Variants in SV2B observed in about 807,000 individuals in gnomAD.
SV2B encodes synaptic vesicle glycoprotein 2B.
SV2B carries 41 observed loss-of-function variants against 73.9 expected under a neutral mutation model. That is an observed-to-expected ratio of 0.56 (90% confidence interval 0.43 to 0.72). The LOEUF is 0.72. SV2B is among the 30% of genes least tolerant of loss of function. The probability of loss-of-function intolerance (pLI) is 0.00; values close to 1 mark genes in which losing one functional copy is unlikely to be tolerated. For synonymous variants in SV2B, 314 were observed against 314.2 expected (o/e 1.00, Z 0.01); for missense variants, 764 against 857.8 (o/e 0.89, Z 1.37).
chr15:91,118,620 G>A lies in SV2B; in HGVS notation c.-392+18257G>A, dbSNP rs1284287800. ...GCTGGAGGGTCTGAAGCGGGACCCAGCTGCCCCTTTCTGAGAGGCTCCCTA... is the reference window on the plus strand; with the variant it reads ...GCTGGAGGGTCTGAAGCGGGACCCAACTGCCCCTTTCTGAGAGGCTCCCTA... On this transcript the variant is annotated intron_variant, in intron 1 of 12. Coordinates refer to ENST00000394232, the MANE Select transcript of SV2B (RefSeq NM_001323032.3). The surrounding 1 kb of genome is among the most constrained non-coding windows in gnomAD (Gnocchi z 4.7). Among the ~76,000 whole-genome samples the A allele has an allele frequency of 6.6e-6, 1 of 152,182 alleles. No individual in the cohort carries two copies. Among genetic ancestry groups the A allele is most frequent in the Non-Finnish European group, 1.5e-5 (1 of 68,040 alleles).
chr15:91,250,421 A>C (rs898671661), intron 2 of SV2B, among the ~76,000 whole-genome samples: 2 of 152,218 alleles, frequency 1.3e-5, no homozygotes, highest in African/African-American at 4.8e-5. Flanking sequence ...GTTTACCCCT[A>C]ATATCAGCAA....
intron 1 of SV2B, among the ~76,000 whole-genome samples, chr15:91,157,175 G>A (rs570054970): frequency 3.9e-5 from 6 of 152,264 alleles, no homozygotes; most frequent in South Asian, 4.2e-4. Context: ...ATTTCTACTC[G>A]TCAAAGTCTG....
chr15:91,256,993 C>T, intron 4 of SV2B, among the ~76,000 whole-genome samples: 1 of 152,214 alleles, frequency 6.6e-6, no homozygotes. Context: ...ATAACTATTG[C>T]CCTCTAAACT....
chr15:91,275,498 C>T (rs1395985842), intron 9 of SV2B, among the ~76,000 whole-genome samples: 1 of 152,058 alleles, frequency 6.6e-6, no homozygotes, highest in Non-Finnish European at 1.5e-5. Context: ...TTTTGCTTTA[C>T]CCAGTGAACT....
rs1276166420 is a variant in SV2B at position 91,261,003 on chromosome 15, C to T, written c.1008+594C>T. Among the ~76,000 whole-genome samples the T allele has an allele frequency of 6.6e-6, 1 of 152,150 alleles. No homozygotes were observed. Among genetic ancestry groups the T allele is most frequent in the African/African-American group, 2.4e-5 (1 of 41,426 alleles). The stretch of plus-strand genomic sequence containing the variant: ...TCAAGATGAGATTTGTGTGGGAACG[C>T]AGAGCCACACCACATCAGAGGCCGA... On this transcript the variant is annotated intron_variant, in intron 6 of 12. Coordinates refer to ENST00000394232, the MANE Select transcript of SV2B (RefSeq NM_001323032.3). The surrounding 1 kb of genome is among the most constrained non-coding windows in gnomAD (Gnocchi z 4.7).
chr15:91,150,383 A>G (rs764126896), intron 1 of SV2B, among the ~76,000 whole-genome samples: 1 of 152,174 alleles, frequency 6.6e-6, no homozygotes, highest in Non-Finnish European at 1.5e-5. Context: ...TCCTGAGTCA[A>G]TCAAGTCAGC....
intron 1 of SV2B, among the ~76,000 whole-genome samples, chr15:91,145,793 G>A (rs769205925): frequency 6.6e-6 from 1 of 152,076 alleles, no homozygotes; most frequent in Non-Finnish European, 1.5e-5. Context: ...GTCTTCTTTC[G>A]AAAAGTCTCT....
chr15:91,290,002 G>A lies in SV2B; in HGVS notation c.1868+322G>A, dbSNP rs568773556. Among the ~76,000 whole-genome samples, 4 of 152,262 alleles carry A rather than the reference G, an allele frequency of 2.6e-5. No individual in the cohort carries two copies. The highest frequency in any genetic ancestry group is 9.6e-5 in the African/African-American group (4 of 41,546). On this transcript the variant is annotated intron_variant, in intron 12 of 12. Transcript: ENST00000394232. This position sits in a 1 kb window ranked among gnomAD's most constrained non-coding sequence, Gnocchi z 4.7. ...CCACAAGAGAGAACAGACCTTCAAGGGGAGATAAGGCAAAAAAGTGAAGAG... is the reference window on the plus strand; with the variant it reads ...CCACAAGAGAGAACAGACCTTCAAGAGGAGATAAGGCAAAAAAGTGAAGAG...
intron 2 of SV2B, among the ~76,000 whole-genome samples, chr15:91,244,273 C>T (rs1311972351): frequency 6.6e-6 from 1 of 152,198 alleles, no homozygotes; most frequent in Non-Finnish European, 1.5e-5. Flanking sequence ...AGGAGATCAA[C>T]AAATGTTAAT....
In SV2B at chr15:91,281,938, G is replaced by T; in HGVS notation, c.1507+77G>T. 4.1e-6 allele frequency: 6 copies of T among 1,479,568 alleles called. No homozygotes were observed. The highest frequency in any genetic ancestry group is 5.5e-6 in the Non-Finnish European group (6 of 1,098,956). The allele number at this position is 1,479,568 out of a possible 1,614,324, so 91.7% of individuals were successfully genotyped here. A position where few individuals can be genotyped will look rare whatever the true frequency, so the allele number is the denominator to read the frequency against. On this transcript the variant is annotated intron_variant, in intron 10 of 12. Transcript: ENST00000394232. The surrounding 1 kb of genome is among the most constrained non-coding windows in gnomAD (Gnocchi z 4.7). ...GTTGTCCAAGAATCAAAATGGTCAG[G>T]CATAAACTTTAGGAGTAGGAAAGTA...
At chr15:91,138,186 C>A (rs2042899887) in intron 1 of SV2B, among the ~76,000 whole-genome samples, 1 of 152,156 alleles carries the variant, frequency 6.6e-6, no homozygotes, top group South Asian at 2.1e-4. Context: ...AAACCCTAAC[C>A]TGAATCTGAG....
chr15:91,236,787 G>A lies in SV2B; in HGVS notation c.451+10073G>A, dbSNP rs2046800606. 6.6e-6 allele frequency among the ~76,000 whole-genome samples: 1 copy of A among 152,146 alleles called. No homozygotes were observed. Among genetic ancestry groups the A allele is most frequent in the African/African-American group, 2.4e-5 (1 of 41,436 alleles). The stretch of plus-strand genomic sequence containing the variant: ...TGACATTACCTGGGGCAGCTGGAAG[G>A]TGGGGGCTGGAATCATCGGAGGGCT... On this transcript the variant is annotated intron_variant, in intron 2 of 12. Coordinates refer to ENST00000394232, the MANE Select transcript of SV2B (RefSeq NM_001323032.3). The surrounding 1 kb of genome is among the most constrained non-coding windows in gnomAD (Gnocchi z 4.1).
chr15:91,230,598 G>T (rs993359843), intron 2 of SV2B, among the ~76,000 whole-genome samples: 6 of 152,168 alleles, frequency 3.9e-5, no homozygotes, highest in African/African-American at 1.4e-4. Flanking sequence ...TGAGTATATT[G>T]TTAACATTGA....
At position 91,260,334 on chromosome 15, in the gene SV2B, T is replaced by A; in HGVS notation, c.933T>A (p.Asp311Glu). The A allele has an allele frequency of 1.9e-6, 3 of 1,610,740 alleles. No homozygotes were observed. The highest frequency in any genetic ancestry group is 2.5e-6 in the Non-Finnish European group (3 of 1,179,204). Reference sequence around the variant, plus strand: ...GGTTTCACCAGATGGGCAAACATGATGAAGCCTGGATGATTCTCAAGCAAG... The same window carrying A: ...GGTTTCACCAGATGGGCAAACATGAAGAAGCCTGGATGATTCTCAAGCAAG... ...PRFLLEMGKH[D>E]EAWMILKQVH... The change falls in exon 6 of 13, where the codon GAT (aspartate) becomes GAA (glutamate). Residue 311 changes from aspartate to glutamate, a missense_variant. Asp to Glu is a conservative substitution (Grantham distance 45). Transcript: ENST00000394232.
At chr15:91,238,540 A>G (rs149780268) in intron 2 of SV2B, among the ~76,000 whole-genome samples, 4 of 152,378 alleles carry the variant, frequency 2.6e-5, no homozygotes, top group African/African-American at 9.6e-5. Context: ...ACTTCTATGC[A>G]AAATGCATGA....
At chr15:91,194,735 G>A (rs2045181942) in intron 1 of SV2B, among the ~76,000 whole-genome samples, 1 of 152,190 alleles carries the variant, frequency 6.6e-6, no homozygotes, top group South Asian at 2.1e-4. Context: ...GCATCTTTGG[G>A]TTTAGGTCCT....
chr15:91,131,622 T>C lies in SV2B; in HGVS notation c.-392+31259T>C, dbSNP rs773731472. Among the ~76,000 whole-genome samples the C allele has an allele frequency of 1.3e-4, 19 of 149,318 alleles. No individual in the cohort carries two copies. In the South Asian group the frequency reaches 3.4e-3, roughly 27 times the overall value. On this transcript the variant is annotated intron_variant, in intron 1 of 12. Coordinates refer to ENST00000394232, the MANE Select transcript of SV2B (RefSeq NM_001323032.3). ...GAATTTGGCGTCAGCCTGGGCAACA[T>C]AGTGAGACTCTATTGCTACAAAAAA...
intron 1 of SV2B, among the ~76,000 whole-genome samples, chr15:91,193,839 G>A (rs1460398750): frequency 6.6e-6 from 1 of 152,098 alleles, no homozygotes; most frequent in East Asian, 1.9e-4. Flanking sequence ...TCCAGAAAAA[G>A]TTTATATTAT....
At chr15:91,189,709 C>A (rs1218973660) in intron 1 of SV2B, among the ~76,000 whole-genome samples, 1 of 152,170 alleles carries the variant, frequency 6.6e-6, no homozygotes, top group Admixed American at 6.5e-5. Context: ...AAAATTCCAG[C>A]CGGGCGCGGT....
Sources: allele counts gnomAD v4.1 joint callset (sites outside exome capture counted in the v4.1 genomes callset), GRCh38; gene constraint gnomAD v4.1.1; non-coding constraint Gnocchi (gnomAD v3.1); transcripts MANE v1.5; gene names NCBI Gene and HGNC (gene_info 2026-07-23, HGNC 2026-07-21).